The following FRMPD4 variants were observed in gnomAD, a reference collection of about 807,000 sequenced individuals.
FRMPD4 encodes FERM and PDZ domain-containing protein 4.
Under a neutral mutation model 94.1 loss-of-function variants are expected in FRMPD4, and 22 were observed. The observed-to-expected ratio is 0.23, with a 90% confidence interval of 0.17 to 0.33. FRMPD4 has a LOEUF of 0.33. Among genes scored for constraint, FRMPD4 ranks in the 10% least tolerant of loss-of-function variants. The probability of loss-of-function intolerance (pLI) is 1.00; values close to 1 mark genes in which losing one functional copy is unlikely to be tolerated. For synonymous variants in FRMPD4, 631 were observed against 548.6 expected, an observed-to-expected ratio of 1.15 and a Z score of -2.10; for missense variants, 1,111 against 1,339.9, an observed-to-expected ratio of 0.83 and a Z score of 2.67.
chrX:12,585,084 A>C (rs746117388), intron 2 of FRMPD4, among the ~76,000 whole-genome samples: 23 of 110,761 alleles, frequency 2.1e-4, no homozygotes, highest in Admixed American at 2.0e-3. Flanking sequence ...TACCCAGCTA[A>C]TTTTTGTATT....
chrX:12,669,349 C>G (rs767796114), intron 4 of FRMPD4, among the ~76,000 whole-genome samples: 1 of 111,899 alleles, frequency 8.9e-6, no homozygotes, highest in South Asian at 3.8e-4. Context: ...CAAACGAGCT[C>G]CCATATGGGA....
At chrX:12,630,348 A>T (rs928385901) in intron 4 of FRMPD4, among the ~76,000 whole-genome samples, 7 of 112,660 alleles carry the variant, frequency 6.2e-5, no homozygotes, top group Non-Finnish European at 1.1e-4. Flanking sequence ...TAAACAAATT[A>T]TTATGGCTCT....
At chrX:11,843,885 G>T (rs1402930304) in intron 1 of FRMPD4, among the ~76,000 whole-genome samples, 2 of 109,713 alleles carry the variant, frequency 1.8e-5, no homozygotes, top group East Asian at 2.8e-4. Flanking sequence ...ATTTCATCCT[G>T]TGGATTTCAT....
intron 3 of FRMPD4, among the ~76,000 whole-genome samples, chrX:12,038,785 A>G (rs1411732028): frequency 8.9e-6 from 1 of 111,905 alleles, no homozygotes. Context: ...TAGGATTGAT[A>G]GTGATGTACA....
chrX:12,002,353 T>C (rs1274366947), intron 3 of FRMPD4, among the ~76,000 whole-genome samples: 2 of 112,038 alleles, frequency 1.8e-5, no homozygotes, highest in African/African-American at 6.5e-5. Flanking sequence ...GCTTTGATTG[T>C]GTTTCAGGTC....
chrX:11,931,565 G>A (rs1601845159), intron 3 of FRMPD4, among the ~76,000 whole-genome samples: 1 of 112,104 alleles, frequency 8.9e-6, no homozygotes, highest in Admixed American at 9.5e-5. Flanking sequence ...CTTAATGTGA[G>A]AGTTCCAAGA....
In FRMPD4 at chrX:11,996,058, T is replaced by C. The variant is rs185577157; in HGVS notation, c.95+118040T>C. Among the ~76,000 whole-genome samples, 147 of 110,677 alleles carry C rather than the reference T, an allele frequency of 1.3e-3. 1 individual carries two copies. The East Asian group carries it at 0.039, about 29-fold the overall frequency. On this transcript the variant is annotated intron_variant, in intron 3 of 18. Transcript: ENST00000640291. Reference sequence around the variant, plus strand: ...TAATCAACAATGGAACTTAAAATTGTCCCCCAGATTTGCCAGGCATAAAGA... The same window carrying C: ...TAATCAACAATGGAACTTAAAATTGCCCCCCAGATTTGCCAGGCATAAAGA...
At chrX:12,673,783 T>G (rs2059866963) in intron 4 of FRMPD4, among the ~76,000 whole-genome samples, 1 of 110,683 alleles carries the variant, frequency 9.0e-6, no homozygotes, top group South Asian at 3.9e-4. Context: ...CTTCCTGGAG[T>G]TTTAGTTCTA....
intron 1 of FRMPD4, among the ~76,000 whole-genome samples, chrX:12,392,034 T>C (rs932962222): frequency 1.8e-4 from 20 of 110,202 alleles, no homozygotes; most frequent in African/African-American, 6.6e-4. Flanking sequence ...TTTAATTTTA[T>C]TTATTTATTT....
At chrX:12,579,841 G>T (rs930951545) in intron 2 of FRMPD4, among the ~76,000 whole-genome samples, 1 of 111,733 alleles carries the variant, frequency 8.9e-6, no homozygotes, top group Admixed American at 9.5e-5. Context: ...TCCAGAAAAT[G>T]ATGAGATTGA....
chrX:12,407,481 T>C (rs1346260430), intron 1 of FRMPD4, among the ~76,000 whole-genome samples: 5 of 111,806 alleles, frequency 4.5e-5, no homozygotes, highest in East Asian at 5.7e-4. Context: ...ATCTGCAAAA[T>C]AGGCATTCCA....
intron 5 of FRMPD4, among the ~76,000 whole-genome samples, chrX:12,679,612 T>G (rs2059945317): frequency 8.9e-6 from 1 of 111,849 alleles, no homozygotes; most frequent in African/African-American, 3.3e-5. Context: ...GCTCACAACC[T>G]GTATGTGGGG....
chrX:12,040,331 G>C (rs938431368), intron 3 of FRMPD4, among the ~76,000 whole-genome samples: 1 of 96,516 alleles, frequency 1.0e-5, no homozygotes, highest in African/African-American at 3.8e-5. Flanking sequence ...CTTAAAATCT[G>C]TCTTTTTTTC....
At chrX:12,196,529 A>G (rs1216310243) in intron 1 of FRMPD4, among the ~76,000 whole-genome samples, 1 of 110,552 alleles carries the variant, frequency 9.0e-6, no homozygotes, top group Non-Finnish European at 1.9e-5. Flanking sequence ...CTTCCCATCT[A>G]GTTAACCTCA....
intron 1 of FRMPD4, among the ~76,000 whole-genome samples, chrX:12,155,683 T>G (rs888966688): frequency 1.8e-5 from 2 of 109,580 alleles, no homozygotes; most frequent in Non-Finnish European, 3.8e-5. Flanking sequence ...TGGAGAATTT[T>G]CTCAGAAACT....
chrX:12,693,019 G>A (rs1039781327), intron 8 of FRMPD4, among the ~76,000 whole-genome samples: 1 of 112,220 alleles, frequency 8.9e-6, no homozygotes, highest in Admixed American at 9.4e-5. Flanking sequence ...GAAAGCTGGT[G>A]TGACTACTCA....
intron 2 of FRMPD4, among the ~76,000 whole-genome samples, chrX:11,876,914 C>T (rs2053788946): frequency 8.9e-6 from 1 of 112,372 alleles, no homozygotes; most frequent in Non-Finnish European, 1.9e-5. Context: ...TTTTAGTTGT[C>T]ACAGCTGGGG....
chrX:12,032,019 G>T (rs1006233959), intron 3 of FRMPD4, among the ~76,000 whole-genome samples: 1 of 111,770 alleles, frequency 8.9e-6, no homozygotes, highest in Non-Finnish European at 1.9e-5. Context: ...CCAGGTTTTG[G>T]TTTGGTGGCA....
chrX:12,621,489 A>T (rs1444382864), intron 4 of FRMPD4, among the ~76,000 whole-genome samples: 1 of 99,506 alleles, frequency 1.0e-5, no homozygotes, highest in African/African-American at 3.7e-5. Context: ...ACCACCAAGA[A>T]AAACAAAAAG....
Sources: allele counts gnomAD v4.1 joint callset (sites outside exome capture counted in the v4.1 genomes callset), GRCh38; gene constraint gnomAD v4.1.1; transcripts MANE v1.5; gene names NCBI Gene and HGNC (gene_info 2026-07-23, HGNC 2026-07-21).